Variants in NAV3 observed in about 807,000 individuals in gnomAD.
The protein encoded by NAV3 is neuron navigator 3, also known as pore membrane and/or filament interacting like protein 1.
A neutral mutation model predicts 244.7 loss-of-function variants in NAV3; 87 were observed. That is an observed-to-expected ratio of 0.36 (90% CI 0.30 to 0.42). The LOEUF (loss-of-function observed/expected upper bound fraction) is 0.42. NAV3 is among the 20% of genes least tolerant of loss of function. NAV3 has a pLI of 1.00. For missense variants in NAV3, 2,663 were observed against 2,893.3 expected, an observed-to-expected ratio of 0.92 and a Z score of 1.83; for synonymous variants, 1,126 against 1,042.2, an observed-to-expected ratio of 1.08 and a Z score of -1.55.
At chr12:77,842,641 T>G (rs1203577604) in intron 1 of NAV3, among the ~76,000 whole-genome samples, 2 of 151,422 alleles carry the variant, frequency 1.3e-5, no homozygotes, top group Admixed American at 6.6e-5. Context: ...ATTGTGAAAC[T>G]TCTGTCAGCT....
intron 2 of NAV3, among the ~76,000 whole-genome samples, chr12:77,814,343 C>G (rs1001222403): frequency 2.6e-5 from 4 of 152,092 alleles, no homozygotes; most frequent in Non-Finnish European, 5.9e-5. Context: ...GAAGATGTGG[C>G]CTCCAAATCA....
intron 1 of NAV3, among the ~76,000 whole-genome samples, chr12:77,885,290 T>G (rs561698538): frequency 6.6e-6 from 1 of 152,242 alleles, no homozygotes; most frequent in Non-Finnish European, 1.5e-5. Context: ...AATGTAATGA[T>G]CTAATTATAT....
At chr12:77,942,170 C>T (rs1047940500) in intron 3 of NAV3, among the ~76,000 whole-genome samples, 9 of 152,090 alleles carry the variant, frequency 5.9e-5, no homozygotes, top group African/African-American at 1.7e-4. Flanking sequence ...GTCGGGAGTT[C>T]GAGACCAGCC....
At chr12:78,110,415 T>G (rs1955027971) in intron 12 of NAV3, among the ~76,000 whole-genome samples, 1 of 152,052 alleles carries the variant, frequency 6.6e-6, no homozygotes, top group Admixed American at 6.6e-5. Context: ...ATGTCATATT[T>G]CATAGAATTA....
chr12:77,971,467 T>C (rs533158576), intron 5 of NAV3, among the ~76,000 whole-genome samples: 9 of 152,240 alleles, frequency 5.9e-5, no homozygotes, highest in Non-Finnish European at 8.8e-5. Flanking sequence ...TTAATACTTA[T>C]TTTTATTTAT....
chr12:78,119,977 AT>A (rs1178888780), intron 15 of NAV3, 32 bp downstream of exon 15: 2 of 1,560,730 alleles, frequency 1.3e-6, no homozygotes. Flanking sequence ...CTGGAAAAAT[AT>A]AAAGGATAAA....
At chr12:77,868,482 A>AT (rs1375485404) in intron 1 of NAV3, among the ~76,000 whole-genome samples, 4 of 152,144 alleles carry the variant, frequency 2.6e-5, no homozygotes, top group Non-Finnish European at 5.9e-5. Context: ...AGCCAAATGT[A>AT]TTATGGCTCG....
chr12:77,952,429 G>A lies in NAV3; in HGVS notation c.414+11296G>A, dbSNP rs557467551. Among the ~76,000 whole-genome samples, 20 of 152,050 alleles carry A rather than the reference G, an allele frequency of 1.3e-4. No homozygotes were observed. In the East Asian group the frequency reaches 3.9e-3, roughly 29 times the overall value. The stretch of plus-strand genomic sequence containing the variant: ...TATATTAGTATGGGTCTACTTCTGG[G>A]CTCTCTATTCTGTTCCACTGATTAT... On this transcript the variant is annotated intron_variant, in intron 3 of 39. Transcript: ENST00000397909.
intron 2 of NAV3, among the ~76,000 whole-genome samples, chr12:77,616,156 C>T (rs867008910): frequency 1.3e-5 from 2 of 152,014 alleles, no homozygotes; most frequent in African/African-American, 4.8e-5. Context: ...TCCTGTAATC[C>T]CAGCACTTTG....
At chr12:77,707,153 C>T (rs1036102366) in intron 2 of NAV3, among the ~76,000 whole-genome samples, 1 of 151,342 alleles carries the variant, frequency 6.6e-6, no homozygotes, top group Non-Finnish European at 1.5e-5. Context: ...TGGTGTGCTG[C>T]ACCCATTAAC....
At chr12:78,142,727 G>GTATATATATACA (rs1565714119) in intron 20 of NAV3, among the ~76,000 whole-genome samples, 15 of 69,750 alleles carry the variant, frequency 2.2e-4, no homozygotes, top group African/African-American at 7.5e-4. Flanking sequence ...ATATATATGT[G>GTATATATATACA]TGTGTGTGTG....
chr12:78,182,409 G>A (rs189893748), intron 30 of NAV3, among the ~76,000 whole-genome samples: 1 of 152,042 alleles, frequency 6.6e-6, no homozygotes, highest in East Asian at 1.9e-4. Context: ...TGTCTCCTAG[G>A]AAAAGACAAA....
chr12:78,016,828 T>C (rs1223435420), intron 8 of NAV3, among the ~76,000 whole-genome samples: 1 of 152,120 alleles, frequency 6.6e-6, no homozygotes, highest in Non-Finnish European at 1.5e-5. Context: ...TTTGATAGTG[T>C]CTAGGATTTA....
At chr12:77,660,220 A>G (rs1279721517) in intron 2 of NAV3, among the ~76,000 whole-genome samples, 6 of 152,206 alleles carry the variant, frequency 3.9e-5, no homozygotes, top group South Asian at 2.1e-4. Context: ...GTTTAACTGA[A>G]GTTCTTTAAT....
intron 18 of NAV3, among the ~76,000 whole-genome samples, 192 bp from the exon 19 acceptor site, chr12:78,136,985 G>A (rs910715053): frequency 6.6e-6 from 1 of 152,074 alleles, no homozygotes; most frequent in Admixed American, 6.6e-5. Context: ...TCCCATAAAC[G>A]TGCCAGAGGA....
At chr12:78,061,657 C>T (rs1884343897) in intron 12 of NAV3, among the ~76,000 whole-genome samples, 2 of 152,006 alleles carry the variant, frequency 1.3e-5, no homozygotes, top group Non-Finnish European at 2.9e-5. Flanking sequence ...TTTTAAAATA[C>T]ATGGTCTTAA....
At chr12:77,782,191 A>C (rs1565811975) in intron 2 of NAV3, among the ~76,000 whole-genome samples, 1 of 152,046 alleles carries the variant, frequency 6.6e-6, no homozygotes, top group South Asian at 2.1e-4. Context: ...CTGGGTCCCT[A>C]TCTCAACTTC....
At chr12:77,737,590 G>T (rs906816503) in intron 2 of NAV3, among the ~76,000 whole-genome samples, 4 of 151,966 alleles carry the variant, frequency 2.6e-5, no homozygotes, top group Non-Finnish European at 5.9e-5. Flanking sequence ...TTCATCCAGG[G>T]CAACAAAAGT....
intron 2 of NAV3, among the ~76,000 whole-genome samples, chr12:77,721,025 TG>T (rs1331598930): frequency 1.3e-5 from 2 of 152,168 alleles, no homozygotes; most frequent in African/African-American, 4.8e-5. Context: ...GTTTTTTATT[TG>T]TTTGCTTATT....
Sources: allele counts gnomAD v4.1 joint callset (sites outside exome capture counted in the v4.1 genomes callset), GRCh38; gene constraint gnomAD v4.1.1; transcripts MANE v1.5; gene names NCBI Gene and HGNC (gene_info 2026-07-23, HGNC 2026-07-21).